Variants in HLCS observed in about 807,000 individuals in gnomAD.
HLCS encodes biotin--protein ligase.
A neutral mutation model predicts 75.0 loss-of-function variants in HLCS; 53 were observed. The observed-to-expected ratio is 0.71, with a 90% CI of 0.57 to 0.89. The LOEUF (loss-of-function observed/expected upper bound fraction) is 0.89, where lower values mean the gene tolerates loss of function less well. Among genes scored for constraint, HLCS ranks in the 40% least tolerant of loss-of-function variants. The pLI is 0.00. For synonymous variants in HLCS, 431 were observed against 428.6 expected, an observed-to-expected ratio of 1.01 and a Z score of -0.07; for missense variants, 966 against 1,074.0, an observed-to-expected ratio of 0.90 and a Z score of 1.41.
intron 6 of HLCS, among the ~76,000 whole-genome samples, chr21:36,771,244 A>AAATAAATAAATG (rs1441986661): frequency 2.0e-5 from 3 of 151,904 alleles, no homozygotes; most frequent in African/African-American, 7.2e-5. Context: ...ATAAATAAAT[A>AAATAAATAAATG]AATATAAAAT....
At chr21:36,847,776 T>C (rs1364778718) in intron 6 of HLCS, among the ~76,000 whole-genome samples, 1 of 152,230 alleles carries the variant, frequency 6.6e-6, no homozygotes, top group Non-Finnish European at 1.5e-5. Flanking sequence ...TATAAGAATT[T>C]TTTTTAATTC....
At position 36,838,298 on chromosome 21, in the gene HLCS, TCACACACACACA is replaced by T. The variant is rs148428941; in HGVS notation, c.1892+58550_1892+58561del. Among the ~76,000 whole-genome samples, 9 of 127,302 alleles carry T rather than the reference TCACACACACACA, an allele frequency of 7.1e-5. No homozygotes were observed. The South Asian group carries it at 7.2e-4, about 10-fold the overall frequency. The allele number at this position is 127,302 out of a possible 152,430, so 83.5% of individuals were successfully genotyped here. A position where few individuals can be genotyped will look rare whatever the true frequency, so the allele number is the denominator to read the frequency against. On this transcript the variant is annotated intron_variant, in intron 6 of 10. Transcript: ENST00000674895. ...TTTCTTTCTGCAGTGGGGTGAATGA[TCACACACACACA>T]CACACACACACACACACACCCCCAC...
At chr21:36,847,898 AC>A (rs1290698065) in intron 6 of HLCS, among the ~76,000 whole-genome samples, 1 of 152,120 alleles carries the variant, frequency 6.6e-6, no homozygotes, top group Non-Finnish European at 1.5e-5. Context: ...GCATGCAGAA[AC>A]CTTTTGTTTA....
Position 36,751,565 on chromosome 21 carries a change from C to T in HLCS, c.*2681G>A, listed in dbSNP as rs2089365488. On this transcript the variant is annotated 3_prime_UTR_variant, in exon 11 of 11. Coordinates refer to ENST00000674895, the MANE Select transcript of HLCS (RefSeq NM_001352514.2). Reference sequence around the variant, plus strand: ...TCCCCCGACCTGTGCACCCGCACCCCAGTCGGCCACTTGCTCTCACATCAG... The same window carrying T: ...TCCCCCGACCTGTGCACCCGCACCCTAGTCGGCCACTTGCTCTCACATCAG... The T allele has an allele frequency of 6.6e-6, 1 of 152,370 alleles. No individual in the cohort carries two copies. Among genetic ancestry groups the T allele is most frequent in the Admixed American group, 6.5e-5 (1 of 15,292 alleles). The allele number at this position is 152,370 out of a possible 1,614,324, so 9.4% of individuals were successfully genotyped here.
At chr21:36,783,604 C>G (rs538543762) in intron 6 of HLCS, among the ~76,000 whole-genome samples, 1 of 152,146 alleles carries the variant, frequency 6.6e-6, no homozygotes. Flanking sequence ...AACTGGCATT[C>G]GGACACAAAG....
chr21:36,791,392 C>T (rs549134527), intron 6 of HLCS, among the ~76,000 whole-genome samples: 100 of 152,238 alleles, frequency 6.6e-4, no homozygotes, highest in African/African-American at 2.2e-3. Context: ...CCTGCTGGGT[C>T]GGCCAAGAGG....
chr21:36,896,265 C>T (rs913065592), intron 6 of HLCS, among the ~76,000 whole-genome samples: 2 of 152,128 alleles, frequency 1.3e-5, no homozygotes, highest in African/African-American at 2.4e-5. Context: ...CAGGAGCAAC[C>T]CTTGAGCTCA....
In HLCS at chr21:36,966,496, G is replaced by C. The variant is rs1332106524; in HGVS notation, c.143C>G (p.Ala48Gly). The C allele has an allele frequency of 1.0e-5, 10 of 985,324 alleles. No individual in the cohort carries two copies. The highest frequency in any genetic ancestry group is 1.2e-5 in the Non-Finnish European group (10 of 830,818). 61.0% of individuals were successfully genotyped at this position (985,324 alleles called of 1,614,324 possible). ...GCCGCCACGGCTCAGGCACACGCGGGCGCCCGGGGGCTGCGCGGCCGCGCC... is the reference window on the plus strand; with the variant it reads ...GCCGCCACGGCTCAGGCACACGCGGCCGCCCGGGGGCTGCGCGGCCGCGCC... The part of the protein sequence containing the change: ...FCGAAAQPPG[A>G]RVCLSRGGRV... The change falls in exon 1 of 11, where the codon GCC becomes GGC. Residue 48 changes from alanine to glycine, a missense_variant. By Grantham distance (60) the Ala-to-Gly change is moderately conservative. Coordinates refer to ENST00000674895, the MANE Select transcript of HLCS (RefSeq NM_001352514.2).
intron 2 of HLCS, among the ~76,000 whole-genome samples, chr21:36,947,090 G>C (rs1361911623): frequency 6.6e-6 from 1 of 152,154 alleles, no homozygotes; most frequent in African/African-American, 2.4e-5. Context: ...GCAATCAAAG[G>C]AGGAGGAGAA....
intron 8 of HLCS, among the ~76,000 whole-genome samples, chr21:36,761,786 G>A (rs1044503773): frequency 9.2e-5 from 14 of 152,080 alleles, no homozygotes; most frequent in South Asian, 8.3e-4. Flanking sequence ...CCCCTCTCTC[G>A]CCTTCCCACA....
chr21:36,959,119 C>A (rs1042936667), intron 2 of HLCS, among the ~76,000 whole-genome samples: 2 of 152,210 alleles, frequency 1.3e-5, no homozygotes, highest in Non-Finnish European at 2.9e-5. Context: ...CCTGGGCATC[C>A]CTGCACTCTC....
intron 4 of HLCS, among the ~76,000 whole-genome samples, chr21:36,935,349 G>A (rs1455237254): frequency 6.6e-6 from 1 of 152,142 alleles, no homozygotes; most frequent in East Asian, 1.9e-4. Context: ...ATCTCTGCTT[G>A]AGTATTATCT....
chr21:36,914,381 G>C (rs1449664527), intron 5 of HLCS, among the ~76,000 whole-genome samples: 1 of 152,226 alleles, frequency 6.6e-6, no homozygotes, highest in African/African-American at 2.4e-5. Context: ...AGGAATATGA[G>C]TTCCTCCAGG....
intron 2 of HLCS, among the ~76,000 whole-genome samples, chr21:36,953,600 T>C (rs906700136): frequency 6.6e-6 from 1 of 152,206 alleles, no homozygotes; most frequent in Non-Finnish European, 1.5e-5. Context: ...TAAGACGCTG[T>C]ACATCTTTTA....
intron 5 of HLCS, among the ~76,000 whole-genome samples, chr21:36,909,150 TCG>T (rs1234397343): frequency 1.3e-5 from 2 of 151,896 alleles, no homozygotes; most frequent in Non-Finnish European, 1.5e-5. Flanking sequence ...TGAGCCTAGA[TCG>T]CGCCACTGCA....
intron 6 of HLCS, among the ~76,000 whole-genome samples, chr21:36,863,769 G>A (rs186930357): frequency 1.3e-4 from 20 of 152,184 alleles, no homozygotes; most frequent in South Asian, 4.2e-4. Context: ...GCAAAGTTCC[G>A]CTGCTCAAGA....
intron 1 of HLCS, among the ~76,000 whole-genome samples, chr21:36,964,814 T>TCCAA (rs2068483293): frequency 6.6e-6 from 1 of 152,252 alleles, no homozygotes. Flanking sequence ...CTCCATGTTT[T>TCCAA]TATATGTCCA....
intron 1 of HLCS, among the ~76,000 whole-genome samples, chr21:36,962,606 G>A (rs964877234): frequency 6.6e-6 from 1 of 151,922 alleles, no homozygotes; most frequent in African/African-American, 2.4e-5. Flanking sequence ...TGGCCAACAT[G>A]GTGAAACCTT....
chr21:36,874,658 T>C (rs977742689), intron 6 of HLCS, among the ~76,000 whole-genome samples: 6 of 152,228 alleles, frequency 3.9e-5, no homozygotes, highest in African/African-American at 1.4e-4. Flanking sequence ...AGTGAGGACG[T>C]GGTGGCCCAT....
Sources: gnomAD v4.1 joint callset for allele counts (sites outside exome capture counted in the v4.1 genomes callset) on GRCh38, gnomAD v4.1.1 for gene constraint, MANE v1.5 for transcripts, NCBI Gene and HGNC (gene_info 2026-07-23, HGNC 2026-07-21) for gene names.